Variants in USH2A observed in about 807,000 individuals in gnomAD.
USH2A encodes Usher syndrome 2A (autosomal recessive, mild).
In USH2A, 443 loss-of-function variants were observed where a neutral mutation model predicts 538.9. The ratio of observed to expected loss-of-function variants is 0.82; its 90% CI spans 0.76 to 0.89. The LOEUF (loss-of-function observed/expected upper bound fraction) is 0.89. Ranked by LOEUF, USH2A falls within the 40% of genes least tolerant of loss-of-function variation. The probability of loss-of-function intolerance (pLI) is 0.00; values close to 1 mark genes in which losing one functional copy is unlikely to be tolerated. For synonymous variants in USH2A, 2,413 were observed against 2,273.5 expected (o/e 1.06, Z -1.75); for missense variants, 6,633 against 6,324.8 (o/e 1.05, Z -1.65).
intron 30 of USH2A, among the ~76,000 whole-genome samples, chr1:216,050,463 C>T (rs2030709957): frequency 6.6e-6 from 1 of 151,890 alleles, no homozygotes; most frequent in Non-Finnish European, 1.5e-5. Context: ...TGGAGTATTG[C>T]CAGTCAAGAG....
chr1:216,308,005 G>A (rs2102632810), intron 9 of USH2A, among the ~76,000 whole-genome samples: 1 of 152,284 alleles, frequency 6.6e-6, no homozygotes, highest in Non-Finnish European at 1.5e-5. Flanking sequence ...CTGGTATGTT[G>A]CTGCAGTAGT....
Position 216,009,616 on chromosome 1 carries a change from C to T in USH2A, c.6326-9054G>A, listed in dbSNP as rs544214282. 9.2e-5 allele frequency among the ~76,000 whole-genome samples: 14 copies of T among 152,170 alleles called. No homozygotes were observed. In the South Asian group the frequency reaches 1.0e-3, roughly 11 times the overall value. ...CCCCTCAGTCTCAACCCCAAGCGTC[C>T]AAGCGTGGCTGAGTCTTTCTAACCT... On this transcript the variant is annotated intron_variant, in intron 32 of 71. Transcript: ENST00000307340.
In USH2A at chr1:215,932,943, C is replaced by T. The variant is rs1666401016; in HGVS notation, c.7300+1673G>A. Among the ~76,000 whole-genome samples, 3 of 152,082 alleles carry T rather than the reference C, an allele frequency of 2.0e-5. No individual in the cohort carries two copies. In the South Asian group the frequency reaches 6.2e-4, roughly 32 times the overall value. ...ATATTCCGTTAGCAGTAGGACCTTG[C>T]TATTTTTAATTGAATCTTGATATAT... On this transcript the variant is annotated intron_variant, in intron 38 of 71. Coordinates refer to ENST00000307340, the MANE Select transcript of USH2A (RefSeq NM_206933.4).
chr1:216,280,752 A>G (rs891218164), intron 11 of USH2A, among the ~76,000 whole-genome samples: 3 of 152,184 alleles, frequency 2.0e-5, no homozygotes, highest in Admixed American at 6.5e-5. Context: ...ATATCTTATG[A>G]GATTGGATTG....
intron 61 of USH2A, among the ~76,000 whole-genome samples, chr1:215,718,984 G>C (rs182127327): frequency 2.0e-5 from 3 of 152,292 alleles, no homozygotes; most frequent in African/African-American, 7.2e-5. Context: ...TTGTAAGTTG[G>C]TTAAAGGCCA....
Position 215,782,726 on chromosome 1 carries a change from G to A in USH2A, c.10585+12C>T, listed in dbSNP as rs780445479. The A allele has an allele frequency of 1.9e-6, 3 of 1,611,058 alleles. No homozygotes were observed. Among genetic ancestry groups the A allele is most frequent in the Non-Finnish European group, 2.5e-6 (3 of 1,178,134 alleles). ...GGATTTTGTTATTTGTATTTTAAAG[G>A]TATCTCAATACCATTTGATTGTATA... is the stretch of plus-strand genomic sequence containing the variant. On this transcript the variant is annotated intron_variant, in intron 53 of 71. Transcript: ENST00000307340.
chr1:215,983,391 T>A (rs1667797587), intron 35 of USH2A, among the ~76,000 whole-genome samples: 1 of 152,218 alleles, frequency 6.6e-6, no homozygotes, highest in Non-Finnish European at 1.5e-5. Flanking sequence ...TTCAAAGATA[T>A]ATCAATAAGT....
intron 20 of USH2A, among the ~76,000 whole-genome samples, chr1:216,186,819 T>G (rs1410926350): frequency 2.6e-5 from 4 of 151,950 alleles, no homozygotes; most frequent in African/African-American, 9.7e-5. Context: ...CAATATTTGC[T>G]ATCATTGTCC....
chr1:215,643,748 G>T (rs73087454), intron 67 of USH2A, among the ~76,000 whole-genome samples: 2,382 of 152,122 alleles, frequency 0.016, 53 homozygotes, highest in South Asian at 0.071. Context: ...CAGGCTGGTC[G>T]TGAACTCTTA....
At chr1:215,922,332 A>G (rs1036323075) in intron 38 of USH2A, among the ~76,000 whole-genome samples, 4 of 152,244 alleles carry the variant, frequency 2.6e-5, no homozygotes, top group Middle Eastern at 3.4e-3. Context: ...GTAGAACTCA[A>G]CATCTGGAAT....
At chr1:216,418,109 A>T (rs2039607393) in intron 3 of USH2A, among the ~76,000 whole-genome samples, 1 of 152,158 alleles carries the variant, frequency 6.6e-6, no homozygotes, top group Admixed American at 6.6e-5. Flanking sequence ...TCACATCATC[A>T]GCTGCTGAGA....
Position 216,200,134 on chromosome 1 carries a change from G to GAAA in USH2A, c.3317-16_3317-14dup. 4 of 1,281,404 alleles carry GAAA rather than the reference G, an allele frequency of 3.1e-6. No homozygotes were observed. Among genetic ancestry groups the GAAA allele is most frequent in the Non-Finnish European group, 2.1e-6 (2 of 947,346 alleles). The allele number at this position is 1,281,404 out of a possible 1,614,324, so 79.4% of individuals were successfully genotyped here. A position where few individuals can be genotyped will look rare whatever the true frequency, so the allele number is the denominator to read the frequency against. On this transcript the variant is annotated splice_polypyrimidine_tract_variant and intron_variant, in intron 16 of 71. Transcript: ENST00000307340. ...AAGTATTGAATACCTGAAATGAAAA[G>GAAA]AAAAAAAAAAAACAAAGTTACATTT...
intron 29 of USH2A, among the ~76,000 whole-genome samples, chr1:216,071,638 T>A (rs921974340): frequency 1.3e-5 from 2 of 152,228 alleles, no homozygotes; most frequent in Non-Finnish European, 2.9e-5. Context: ...TCTATTTGTG[T>A]ACTTTCTCAG....
Position 216,008,645 on chromosome 1 carries a change from C to T in USH2A, c.6326-8083G>A, listed in dbSNP as rs553493940. On this transcript the variant is annotated intron_variant, in intron 32 of 71. Transcript: ENST00000307340. Reference sequence around the variant, plus strand: ...TTGCTCTGTGAAAAAGATCCACCTACGACCTCAGGTCCTCAGACCCACCAG... The same window carrying T: ...TTGCTCTGTGAAAAAGATCCACCTATGACCTCAGGTCCTCAGACCCACCAG... 2.4e-4 allele frequency among the ~76,000 whole-genome samples: 36 copies of T among 152,280 alleles called. No homozygotes were observed. In the South Asian group the frequency reaches 3.3e-3, roughly 14 times the overall value.
chr1:215,987,912 T>C (rs1667909734), intron 35 of USH2A, among the ~76,000 whole-genome samples: 1 of 150,092 alleles, frequency 6.7e-6, no homozygotes, highest in South Asian at 2.1e-4. Context: ...ACTTCATGCA[T>C]AGATCTCTAT....
chr1:216,195,560 A>T (rs1201808221), intron 19 of USH2A, among the ~76,000 whole-genome samples: 1 of 152,134 alleles, frequency 6.6e-6, no homozygotes, highest in Non-Finnish European at 1.5e-5. Context: ...GTGTGGAAAG[A>T]GACGTGTCTC....
intron 3 of USH2A, among the ~76,000 whole-genome samples, chr1:216,373,397 T>C (rs2038753295): frequency 6.6e-6 from 1 of 152,220 alleles, no homozygotes; most frequent in Non-Finnish European, 1.5e-5. Flanking sequence ...AAGTTGTTTG[T>C]ACTTCCTCTG....
At chr1:215,820,677 G>A (rs1662987048) in intron 47 of USH2A, among the ~76,000 whole-genome samples, 1 of 151,454 alleles carries the variant, frequency 6.6e-6, no homozygotes, top group Admixed American at 6.6e-5. Flanking sequence ...CAAATACTAG[G>A]TCTTATCTCT....
intron 4 of USH2A, among the ~76,000 whole-genome samples, chr1:216,359,478 C>G (rs1208764901): frequency 6.6e-6 from 1 of 152,052 alleles, no homozygotes; most frequent in African/African-American, 2.4e-5. Context: ...CAAAGAAGCA[C>G]ACCTGGGTTA....
Sources: gnomAD v4.1 joint callset for allele counts (sites outside exome capture counted in the v4.1 genomes callset) on GRCh38, gnomAD v4.1.1 for gene constraint, MANE v1.5 for transcripts, NCBI Gene and HGNC (gene_info 2026-07-23, HGNC 2026-07-21) for gene names.